Variants in COMMD1 observed in about 807,000 individuals in gnomAD.
COMMD1 encodes the protein COMM domain-containing protein 1.
In COMMD1, 10 loss-of-function variants were observed where a neutral mutation model predicts 17.2. That is an observed-to-expected ratio of 0.58 (90% confidence interval 0.36 to 0.99). The LOEUF is 0.99. COMMD1 is among the 50% of genes least tolerant of loss of function. The pLI, the probability that COMMD1 is intolerant of heterozygous loss-of-function variation, is 0.01. For missense variants in COMMD1, 270 were observed against 231.8 expected, an observed-to-expected ratio of 1.17 and a Z score of -1.07; for synonymous variants, 97 against 91.6, an observed-to-expected ratio of 1.06 and a Z score of -0.34.
chr2:62,066,186 T>A (rs1435750434), intron 2 of COMMD1, among the ~76,000 whole-genome samples: 1 of 152,204 alleles, frequency 6.6e-6, no homozygotes, highest in Non-Finnish European at 1.5e-5. Context: ...TCATTTCTAA[T>A]CTTACCGTTA....
At chr2:61,916,016 G>A (rs930805397) in intron 1 of COMMD1, among the ~76,000 whole-genome samples, 3 of 152,122 alleles carry the variant, frequency 2.0e-5, no homozygotes, top group Non-Finnish European at 4.4e-5. Context: ...TGTTGCCCAG[G>A]CTGGAGTGCA....
chr2:61,934,056 C>A (rs1481745217), intron 1 of COMMD1, among the ~76,000 whole-genome samples: 1 of 152,150 alleles, frequency 6.6e-6, no homozygotes, highest in Non-Finnish European at 1.5e-5. Context: ...TGAGCCACTA[C>A]GCCCGGCCTT....
chr2:61,959,930 C>G (rs1268917701), intron 1 of COMMD1, among the ~76,000 whole-genome samples: 1 of 152,124 alleles, frequency 6.6e-6, no homozygotes, highest in African/African-American at 2.4e-5. Context: ...TACACTTTAC[C>G]CGATTGGCTG....
chr2:62,071,432 A>C (rs1414855170), intron 2 of COMMD1, among the ~76,000 whole-genome samples: 1 of 152,144 alleles, frequency 6.6e-6, no homozygotes. Context: ...TGTCCTGCCA[A>C]CTTTTTATTT....
chr2:61,936,381 G>A (rs1030440222), intron 1 of COMMD1, among the ~76,000 whole-genome samples: 1 of 152,060 alleles, frequency 6.6e-6, no homozygotes, highest in Non-Finnish European at 1.5e-5. Context: ...GGAAGCATTC[G>A]AATATAAGAG....
At chr2:61,957,719 A>T (rs1413274386) in intron 1 of COMMD1, among the ~76,000 whole-genome samples, 1 of 152,228 alleles carries the variant, frequency 6.6e-6, no homozygotes, top group East Asian at 1.9e-4. Context: ...TGACGTAAAA[A>T]CACAAGCAAA....
At chr2:62,109,965 A>G (rs1417056532) in intron 2 of COMMD1, among the ~76,000 whole-genome samples, 3 of 102,218 alleles carry the variant, frequency 2.9e-5, no homozygotes, top group East Asian at 5.8e-4. Flanking sequence ...TGGTCTTGCT[A>G]TGTTACCTAG....
At chr2:62,008,879 C>G (rs548660258) in intron 2 of COMMD1, among the ~76,000 whole-genome samples, 9 of 152,272 alleles carry the variant, frequency 5.9e-5, no homozygotes, top group African/African-American at 2.2e-4. Flanking sequence ...CTCCCGTGCT[C>G]AAGTGGTGAT....
At chr2:62,004,017 A>C (rs1407084544) in intron 2 of COMMD1, among the ~76,000 whole-genome samples, 4 of 152,058 alleles carry the variant, frequency 2.6e-5, no homozygotes, top group Non-Finnish European at 4.4e-5. Context: ...AGTTCCAGCT[A>C]CTCAGGAGGC....
At chr2:61,978,209 C>A (rs1671858350) in intron 1 of COMMD1, among the ~76,000 whole-genome samples, 1 of 152,056 alleles carries the variant, frequency 6.6e-6, no homozygotes, top group African/African-American at 2.4e-5. Flanking sequence ...TTGTAATCAC[C>A]AAGCCTTGTT....
chr2:62,098,732 A>G (rs1362013937), intron 2 of COMMD1, among the ~76,000 whole-genome samples: 1 of 152,218 alleles, frequency 6.6e-6, no homozygotes, highest in Non-Finnish European at 1.5e-5. Context: ...ACAGTTTCAC[A>G]GAGGCGATTG....
chr2:62,117,551 A>G (rs924123303), intron 2 of COMMD1, among the ~76,000 whole-genome samples: 1 of 152,232 alleles, frequency 6.6e-6, no homozygotes, highest in African/African-American at 2.4e-5. Context: ...TGTGGCTTTG[A>G]ACAAATTACT....
At chr2:61,932,243 CA>C (rs1670484998) in intron 1 of COMMD1, among the ~76,000 whole-genome samples, 1 of 152,136 alleles carries the variant, frequency 6.6e-6, no homozygotes, top group South Asian at 2.1e-4. Context: ...AAAATGTATA[CA>C]AAAGGCACAA....
At chr2:61,962,030 T>A (rs1359116993) in intron 1 of COMMD1, among the ~76,000 whole-genome samples, 2 of 152,244 alleles carry the variant, frequency 1.3e-5, no homozygotes, top group African/African-American at 4.8e-5. Flanking sequence ...GGAGTTTTCT[T>A]CAAATATTTA....
chr2:62,074,207 A>G (rs1019153251), intron 2 of COMMD1, among the ~76,000 whole-genome samples: 37 of 152,310 alleles, frequency 2.4e-4, no homozygotes, highest in East Asian at 9.6e-4. Context: ...TCTCATGTCC[A>G]AAGATTTTTA....
intron 1 of COMMD1, among the ~76,000 whole-genome samples, chr2:61,968,256 A>G (rs1315201057): frequency 2.6e-5 from 4 of 152,206 alleles, no homozygotes; most frequent in African/African-American, 9.7e-5. Flanking sequence ...ACCATTTGAA[A>G]TTAGCATACT....
In COMMD1 at chr2:61,987,577, C is replaced by T. The variant is rs190593373; in HGVS notation, c.181-13124C>T. Among the ~76,000 whole-genome samples the T allele has an allele frequency of 2.7e-3, 411 of 152,280 alleles. 2 individuals carry two copies. The highest frequency in any genetic ancestry group is 6.9e-3 in the African/African-American group (286 of 41,558). On this transcript the variant is annotated intron_variant, in intron 1 of 2. Coordinates refer to ENST00000311832, the MANE Select transcript of COMMD1 (RefSeq NM_152516.4). ...TGCTGGACTACCTGGAGCTGAGGGA[C>T]GGGTGACACAAGGACCCCTGTGGCC...
chr2:61,956,592 G>A (rs1345802083), intron 1 of COMMD1, among the ~76,000 whole-genome samples: 1 of 151,604 alleles, frequency 6.6e-6, no homozygotes, highest in East Asian at 2.0e-4. Flanking sequence ...TGTATTTTTG[G>A]TAGAGATGGG....
chr2:61,941,374 A>C (rs1010251374), intron 1 of COMMD1, among the ~76,000 whole-genome samples: 7 of 152,176 alleles, frequency 4.6e-5, no homozygotes, highest in African/African-American at 1.7e-4. Flanking sequence ...AGGGACAGCA[A>C]ATTTGATAAG....
Sources: gnomAD v4.1 joint callset for allele counts (sites outside exome capture counted in the v4.1 genomes callset) on GRCh38, gnomAD v4.1.1 for gene constraint, MANE v1.5 for transcripts, NCBI Gene and HGNC (gene_info 2026-07-23, HGNC 2026-07-21) for gene names.